The following SNTN variants were observed in gnomAD, a reference collection of about 807,000 sequenced individuals.
SNTN encodes sentan.
A neutral mutation model predicts 12.3 loss-of-function variants in SNTN; 13 were observed. The observed-to-expected ratio is 1.05, with a 90% CI of 0.69 to 1.67. SNTN has a LOEUF of 1.67. Among genes scored for constraint, SNTN ranks in the 40% most tolerant of loss-of-function variants. The probability of loss-of-function intolerance (pLI) is 0.00; values close to 1 mark genes in which losing one functional copy is unlikely to be tolerated. For synonymous variants in SNTN, 69 were observed against 58.5 expected (o/e 1.18, Z -0.82); for missense variants, 189 against 169.8 (o/e 1.11, Z -0.63).
At chr3:63,658,596 T>C (rs1475539706) in intron 2 of SNTN, among the ~76,000 whole-genome samples, 3 of 150,326 alleles carry the variant, frequency 2.0e-5, no homozygotes, top group Non-Finnish European at 4.4e-5. Context: ...GGGACAAGGG[T>C]CTTGCTATGT....
intron 2 of SNTN, among the ~76,000 whole-genome samples, chr3:63,659,218 G>A (rs1700715998): frequency 6.6e-6 from 1 of 152,144 alleles, no homozygotes; most frequent in Admixed American, 6.6e-5. Flanking sequence ...TAGGCCACGA[G>A]TCAAAGAGAA....
rs150155327 is a variant in SNTN, at chr3:63,663,835, T to C, written c.286-102T>C. On this transcript the variant is annotated intron_variant, in intron 3 of 3. Coordinates refer to ENST00000343837, the MANE Select transcript of SNTN (RefSeq NM_001080537.2). ...TTTATAAATCACTCAGTCTCAGGTA[T>C]TCTATTACAGCAACACTAAACAGAC... 5.2e-4 allele frequency: 728 copies of C among 1,401,574 alleles called. 5 individuals are homozygous for C. The highest frequency in any genetic ancestry group is 2.6e-3 in the South Asian group (213 of 80,604). 86.8% of individuals were successfully genotyped at this position (1,401,574 alleles called of 1,614,324 possible).
intron 2 of SNTN, among the ~76,000 whole-genome samples, chr3:63,656,895 A>G (rs1278381987): frequency 6.6e-6 from 1 of 152,164 alleles, no homozygotes; most frequent in Non-Finnish European, 1.5e-5. Flanking sequence ...GCAAGCTATA[A>G]TACTTAGCCT....
At chr3:63,655,655 G>A (rs999729100) in intron 2 of SNTN, among the ~76,000 whole-genome samples, 2 of 151,858 alleles carry the variant, frequency 1.3e-5, no homozygotes, top group African/African-American at 2.4e-5. Flanking sequence ...CCCTGCCCAC[G>A]TACACAACAT....
intron 3 of SNTN, among the ~76,000 whole-genome samples, chr3:63,662,001 G>A (rs1700748541): frequency 6.6e-6 from 1 of 152,188 alleles, no homozygotes; most frequent in Non-Finnish European, 1.5e-5. Context: ...TCTCAGTGTA[G>A]GCTAAACCCT....
chr3:63,652,915 T>C, intron 1 of SNTN, 118 bp downstream of exon 1: 1 of 813,766 alleles, frequency 1.2e-6, no homozygotes. Context: ...GCCTATTACC[T>C]ACCCTAATCC....
intron 1 of SNTN, among the ~76,000 whole-genome samples, chr3:63,653,723 C>A (rs1190055232): frequency 6.6e-6 from 1 of 152,218 alleles, no homozygotes; most frequent in African/African-American, 2.4e-5. Context: ...CAACTTCCTG[C>A]CTCCAATTTG....
At chr3:63,655,046 TA>T (rs1377549525) in intron 2 of SNTN, among the ~76,000 whole-genome samples, 2 of 152,170 alleles carry the variant, frequency 1.3e-5, no homozygotes, top group Non-Finnish European at 2.9e-5. Context: ...CCCTGGCTCC[TA>T]ATTCAGCGTT....
rs1331026121 is a variant in SNTN, at chr3:63,664,582, T to C, written c.*487T>C. 1 of 151,946 alleles carries C rather than the reference T, an allele frequency of 6.6e-6. No individual in the cohort carries two copies. The highest frequency in any genetic ancestry group is 2.1e-4 in the South Asian group (1 of 4,810). The allele number at this position is 151,946 out of a possible 1,614,324, so 9.4% of individuals were successfully genotyped here. ...TAGAATTGAAATAAGGGCTATAGGATGCTAAAAGAGATTATCACCTGATCG... is the reference window on the plus strand; with the variant it reads ...TAGAATTGAAATAAGGGCTATAGGACGCTAAAAGAGATTATCACCTGATCG... On this transcript the variant is annotated 3_prime_UTR_variant, in exon 4 of 4. Coordinates refer to ENST00000343837, the MANE Select transcript of SNTN (RefSeq NM_001080537.2).
At chr3:63,657,584 G>T (rs934705390) in intron 2 of SNTN, among the ~76,000 whole-genome samples, 1 of 152,070 alleles carries the variant, frequency 6.6e-6, no homozygotes, top group Non-Finnish European at 1.5e-5. Context: ...TTTTACCATG[G>T]CCATATGCTA....
At position 63,652,725 on chromosome 3, in the gene SNTN, T is replaced by G; in HGVS notation, c.38T>G (p.Leu13Arg). The G allele has an allele frequency of 6.2e-7, 1 of 1,614,034 alleles. No individual in the cohort carries two copies. Among genetic ancestry groups the G allele is most frequent in the Non-Finnish European group, 8.5e-7 (1 of 1,179,972 alleles). Residue 13 changes from leucine (L) to arginine (R), a missense_variant, in exon 1 of 4, where the codon CTC becomes CGC. Physicochemically the swap from Leu to Arg is moderately radical, Grantham distance 102. Transcript: ENST00000343837. ...GCMHSTQDKS[L>R]HLEGDPNPSA... ...ATGCACAGTACCCAGGACAAATCTCTCCACTTGGAAGGAGATCCCAATCCT... is the reference window on the plus strand; with the variant it reads ...ATGCACAGTACCCAGGACAAATCTCGCCACTTGGAAGGAGATCCCAATCCT...
At chr3:63,661,057 G>A (rs1482782815) in intron 3 of SNTN, among the ~76,000 whole-genome samples, 3 of 152,076 alleles carry the variant, frequency 2.0e-5, no homozygotes, top group Admixed American at 1.3e-4. Flanking sequence ...TAAGGACACC[G>A]TATCATTATT....
At chr3:63,656,243 A>G (rs1245986480) in intron 2 of SNTN, among the ~76,000 whole-genome samples, 3 of 152,194 alleles carry the variant, frequency 2.0e-5, no homozygotes, top group South Asian at 2.1e-4. Flanking sequence ...GTGAGGAGGA[A>G]GAGGCAGAGG....
chr3:63,661,678 A>G (rs745683246), intron 3 of SNTN, among the ~76,000 whole-genome samples: 2 of 149,758 alleles, frequency 1.3e-5, no homozygotes, highest in Non-Finnish European at 3.0e-5. Flanking sequence ...TTGGAAAGCT[A>G]CTTTTTCAGG....
intron 2 of SNTN, 148 bp from the exon 3 acceptor site, chr3:63,659,577 G>T: frequency 2.5e-6 from 2 of 792,848 alleles, no homozygotes; most frequent in Non-Finnish European, 4.0e-6. Context: ...ATGCAGGATT[G>T]GAAACTCCCA....
At chr3:63,657,706 T>C (rs905819056) in intron 2 of SNTN, among the ~76,000 whole-genome samples, 4 of 152,186 alleles carry the variant, frequency 2.6e-5, no homozygotes, top group Admixed American at 6.5e-5. Flanking sequence ...AGACCTGAAC[T>C]TCATCAGAGG....
At chr3:63,654,206 C>T (rs958404972) in intron 1 of SNTN, among the ~76,000 whole-genome samples, 4 of 152,180 alleles carry the variant, frequency 2.6e-5, no homozygotes, top group Non-Finnish European at 5.9e-5. Context: ...GCATCCCACA[C>T]CTCAGCATAA....
In SNTN at chr3:63,652,797, G is replaced by A; in HGVS notation, c.110G>A (p.Arg37Lys). The change falls in exon 1 of 4, where the codon AGG becomes AAG. Residue 37 changes from arginine (R) to lysine (K), a missense_variant and splice_region_variant. Physicochemically the swap from Arg to Lys is conservative, Grantham distance 26. Transcript: ENST00000343837. ...STCAPRKMPK[R>K]ISISKQLASV... Reference sequence around the variant, plus strand: ...TGCGCACCTAGGAAAATGCCCAAAAGGTCAGTGGCACTTGGCTGTCTTTTA... The same window carrying A: ...TGCGCACCTAGGAAAATGCCCAAAAAGTCAGTGGCACTTGGCTGTCTTTTA... 4 of 1,613,306 alleles carry A rather than the reference G, an allele frequency of 2.5e-6. No homozygotes were observed. The highest frequency in any genetic ancestry group is 4.5e-5 in the East Asian group (2 of 44,858).
At chr3:63,662,877 G>T (rs573154045) in intron 3 of SNTN, among the ~76,000 whole-genome samples, 1 of 152,274 alleles carries the variant, frequency 6.6e-6, no homozygotes, top group South Asian at 2.1e-4. Context: ...TGTCACTGGG[G>T]AAGATATTTC....
Sources: gnomAD v4.1 joint callset for allele counts (sites outside exome capture counted in the v4.1 genomes callset) on GRCh38, gnomAD v4.1.1 for gene constraint, MANE v1.5 for transcripts, NCBI Gene and HGNC (gene_info 2026-07-23, HGNC 2026-07-21) for gene names.